The following ULK4 variants were observed in gnomAD, a reference collection of about 807,000 sequenced individuals.
ULK4 encodes inactive serine/threonine-protein kinase ULK4.
A neutral mutation model predicts 160.6 loss-of-function variants in ULK4; 133 were observed. The observed-to-expected ratio is 0.83, with a 90% CI of 0.72 to 0.96. ULK4 has a LOEUF of 0.96. Ranked by LOEUF, ULK4 falls within the 40% of genes least tolerant of loss-of-function variation. The pLI is 0.00. For missense variants in ULK4, 1,580 were observed against 1,499.5 expected (o/e 1.05, Z -0.89); for synonymous variants, 534 against 539.8 (o/e 0.99, Z 0.15).
At chr3:41,266,856 A>G (rs1022040261) in intron 35 of ULK4, among the ~76,000 whole-genome samples, 6 of 151,906 alleles carry the variant, frequency 3.9e-5, no homozygotes, top group African/African-American at 1.5e-4. Context: ...CTTTACTTCC[A>G]TGGTCCCTTA....
chr3:41,848,668 T>G (rs2042128625), intron 17 of ULK4, among the ~76,000 whole-genome samples: 1 of 152,158 alleles, frequency 6.6e-6, no homozygotes, highest in South Asian at 2.1e-4. Context: ...GACGTTCACT[T>G]TTTCCTTCTA....
chr3:41,941,755 C>CAAAAA (rs565727539), intron 2 of ULK4, among the ~76,000 whole-genome samples: 3 of 30,746 alleles, frequency 9.8e-5, no homozygotes, highest in Non-Finnish European at 2.1e-4. Context: ...GACTCTGTCT[C>CAAAAA]AAAAAAAAAA....
Position 41,484,516 on chromosome 3 carries a change from A to G in ULK4, c.3227-21263T>C, listed in dbSNP as rs534294279. On this transcript the variant is annotated intron_variant, in intron 32 of 36. Coordinates refer to ENST00000301831, the MANE Select transcript of ULK4 (RefSeq NM_017886.4). Reference sequence around the variant, plus strand: ...CACCCAGGCTGGAGTGCAGTGGTGCAATCTCGGCTCACTGCAAGCTCCGCC... The same window carrying G: ...CACCCAGGCTGGAGTGCAGTGGTGCGATCTCGGCTCACTGCAAGCTCCGCC... 2.9e-4 allele frequency among the ~76,000 whole-genome samples: 43 copies of G among 145,998 alleles called. 1 individual carries two copies. Among genetic ancestry groups the G allele is most frequent in the African/African-American group, 7.9e-4 (31 of 39,270 alleles).
At chr3:41,867,776 ACT>A (rs1397715431) in intron 17 of ULK4, among the ~76,000 whole-genome samples, 1 of 152,128 alleles carries the variant, frequency 6.6e-6, no homozygotes, top group African/African-American at 2.4e-5. Context: ...GAATTATTTC[ACT>A]CTTACACCCA....
chr3:41,391,243 A>G (rs560569262), intron 35 of ULK4, among the ~76,000 whole-genome samples: 2 of 152,206 alleles, frequency 1.3e-5, no homozygotes, highest in African/African-American at 4.8e-5. Context: ...TATGGATTCA[A>G]GAAAAGATCT....
intron 17 of ULK4, chr3:41,859,534 C>T: frequency 1.8e-6 from 1 of 544,016 alleles, no homozygotes. Context: ...CACCAAGAAG[C>T]CAACGAAGCC....
At chr3:41,660,824 C>A (rs1479126934) in intron 30 of ULK4, among the ~76,000 whole-genome samples, 1 of 152,060 alleles carries the variant, frequency 6.6e-6, no homozygotes, top group Non-Finnish European at 1.5e-5. Flanking sequence ...AAAGAGCTCA[C>A]AAATAAGACA....
At chr3:41,645,438 G>A (rs1050080457) in intron 30 of ULK4, among the ~76,000 whole-genome samples, 1 of 151,844 alleles carries the variant, frequency 6.6e-6, no homozygotes, top group Non-Finnish European at 1.5e-5. Flanking sequence ...TTCTGCCTTT[G>A]TTTCGTTATG....
At chr3:41,384,708 C>T (rs2081760604) in intron 35 of ULK4, among the ~76,000 whole-genome samples, 1 of 152,086 alleles carries the variant, frequency 6.6e-6, no homozygotes. Context: ...CCTCGGCCTC[C>T]TGAGTAGCTG....
At chr3:41,708,679 T>C (rs1184757806) in intron 25 of ULK4, among the ~76,000 whole-genome samples, 1 of 152,030 alleles carries the variant, frequency 6.6e-6, no homozygotes, top group Non-Finnish European at 1.5e-5. Flanking sequence ...GAAACAGAGG[T>C]TGCAGTAGGT....
chr3:41,746,272 CAAAAAAAAA>C (rs34582395), intron 22 of ULK4, among the ~76,000 whole-genome samples: 3 of 45,726 alleles, frequency 6.6e-5, no homozygotes, highest in Admixed American at 2.5e-4. Context: ...CTGGAACCCA[CAAAAAAAAA>C]AAAAAAAAAA....
chr3:41,531,857 A>C (rs1249344176), intron 32 of ULK4, among the ~76,000 whole-genome samples: 1 of 152,180 alleles, frequency 6.6e-6, no homozygotes, highest in East Asian at 1.9e-4. Flanking sequence ...GGATTTTCTA[A>C]CCCCAGATAG....
chr3:41,536,796 G>A (rs1394621868), intron 32 of ULK4, among the ~76,000 whole-genome samples: 1 of 152,080 alleles, frequency 6.6e-6, no homozygotes, highest in African/African-American at 2.4e-5. Flanking sequence ...TGGAAGAGGT[G>A]GAAGGGCAAA....
chr3:41,895,764 T>C (rs961151046), intron 15 of ULK4, among the ~76,000 whole-genome samples, 200 bp from the exon 16 acceptor site: 1 of 152,184 alleles, frequency 6.6e-6, no homozygotes, highest in African/African-American at 2.4e-5. Context: ...ACAGTATTTT[T>C]AGTTTCTCCT....
intron 35 of ULK4, among the ~76,000 whole-genome samples, chr3:41,372,476 G>A (rs2081390257): frequency 6.6e-6 from 1 of 152,218 alleles, no homozygotes; most frequent in Admixed American, 6.5e-5. Context: ...CCAGAAAAGA[G>A]TGGGGGCCAA....
At chr3:41,898,540 A>G (rs369398685) in intron 13 of ULK4, 48 bp from the exon 14 acceptor site, 5 of 1,196,512 alleles carry the variant, frequency 4.2e-6, no homozygotes, top group African/African-American at 1.5e-5. Context: ...TTTAAGATGG[A>G]TATCTGTCTC....
intron 22 of ULK4, among the ~76,000 whole-genome samples, chr3:41,746,718 T>C (rs1205424350): frequency 6.6e-6 from 1 of 151,866 alleles, no homozygotes; most frequent in Non-Finnish European, 1.5e-5. Flanking sequence ...GAGGAATCAC[T>C]CTGCCCAATA....
chr3:41,816,099 G>GAC (rs201846844), intron 19 of ULK4, among the ~76,000 whole-genome samples: 1 of 151,500 alleles, frequency 6.6e-6, no homozygotes, highest in Non-Finnish European at 1.5e-5. Flanking sequence ...CACACATACA[G>GAC]ACACACACAC....
Position 41,566,963 on chromosome 3 carries a change from T to C in ULK4, c.3121-833A>G, listed in dbSNP as rs1559400646. On this transcript the variant is annotated intron_variant, in intron 31 of 36. Coordinates refer to ENST00000301831, the MANE Select transcript of ULK4 (RefSeq NM_017886.4). The stretch of plus-strand genomic sequence containing the variant: ...AAGGTAGTACTCCTCACTCTCAGGT[T>C]CCTGTAAGTACCCACTGACAGTGAG... Among the ~76,000 whole-genome samples, 3 of 152,328 alleles carry C rather than the reference T, an allele frequency of 2.0e-5. No homozygotes were observed. In the East Asian group the frequency reaches 5.8e-4, roughly 29 times the overall value.
Sources: allele counts gnomAD v4.1 joint callset (sites outside exome capture counted in the v4.1 genomes callset), GRCh38; gene constraint gnomAD v4.1.1; transcripts MANE v1.5; gene names NCBI Gene and HGNC (gene_info 2026-07-23, HGNC 2026-07-21).